The following CD5 variants were observed in gnomAD, a reference collection of about 807,000 sequenced individuals.
CD5 encodes the protein T-cell surface glycoprotein CD5.
In CD5, 36 loss-of-function variants were observed where a neutral mutation model predicts 60.3. That is an observed-to-expected ratio of 0.60 (90% CI 0.46 to 0.79). CD5 has a LOEUF of 0.79. Ranked by LOEUF, CD5 falls within the 30% of genes least tolerant of loss-of-function variation. The pLI is 0.00. For synonymous variants in CD5, 230 were observed against 257.6 expected (o/e 0.89, Z 1.03); for missense variants, 540 against 630.6 (o/e 0.86, Z 1.54).
chr11:61,120,190 G>T (rs1056548727), intron 5 of CD5, among the ~76,000 whole-genome samples: 1 of 152,184 alleles, frequency 6.6e-6, no homozygotes, highest in Non-Finnish European at 1.5e-5. Flanking sequence ...AGACCCCGGT[G>T]GGCCAAACCA....
chr11:61,101,629 T>C (rs548317114), upstream of CD5, among the ~76,000 whole-genome samples: 1 of 145,722 alleles, frequency 6.9e-6, no homozygotes, highest in East Asian at 2.1e-4. Flanking sequence ...CATATCAACA[T>C]GGAGATCACA....
upstream of CD5, among the ~76,000 whole-genome samples, chr11:61,100,462 C>T (rs886734884): frequency 6.9e-6 from 1 of 145,392 alleles, no homozygotes; most frequent in Non-Finnish European, 1.5e-5. Context: ...AGATTACACA[C>T]ACACATCAAC....
upstream of CD5, among the ~76,000 whole-genome samples, chr11:61,101,155 AACATGGAGATCACACACTCATCC>A (rs1349479132): frequency 7.5e-5 from 8 of 105,964 alleles, 2 homozygotes; most frequent in African/African-American, 1.9e-4. Context: ...CACACACATC[AACATGGAGATCACACACTCATCC>A]ACATGGAGAT....
At chr11:61,112,372 G>A (rs577197844) in intron 1 of CD5, among the ~76,000 whole-genome samples, 86 of 152,288 alleles carry the variant, frequency 5.6e-4, no homozygotes, top group African/African-American at 2.0e-3. Flanking sequence ...GGCTGGGCGC[G>A]GTGGCTCATG....
intron 1 of CD5, among the ~76,000 whole-genome samples, chr11:61,113,368 G>A (rs1056977014): frequency 2.6e-5 from 4 of 152,216 alleles, no homozygotes; most frequent in African/African-American, 9.6e-5. Context: ...GCCCCGCAAT[G>A]GGCAACTTTG....
chr11:61,126,181 A>C, intron 10 of CD5, 107 bp from the exon 11 acceptor site: 1 of 194,984 alleles, frequency 5.1e-6, no homozygotes, highest in Non-Finnish European at 1.0e-5. Context: ...CTGGCTCAGG[A>C]CAGCAGCCGT....
the CD5 span, among the ~76,000 whole-genome samples, chr11:61,096,143 G>C: frequency 6.6e-6 from 1 of 152,264 alleles, no homozygotes; most frequent in Non-Finnish European, 1.5e-5. Flanking sequence ...GAGAGGGAAA[G>C]GGGGGTTCTG....
In CD5 at chr11:61,115,048, T is replaced by C. The variant is rs1860918149; in HGVS notation, c.56-8T>C. On this transcript the variant is annotated splice_polypyrimidine_tract_variant and splice_region_variant and intron_variant, in intron 1 of 10. Transcript: ENST00000347785. The stretch of plus-strand genomic sequence containing the variant: ...TCACTTCCTGACCCTCCTCTCTTCT[T>C]TCTGCAGTCGCTTCCTGCCTCGGAC... 6.4e-7 allele frequency: 1 copy of C among 1,555,634 alleles called. No individual in the cohort carries two copies. The highest frequency in any genetic ancestry group is 1.9e-5 in the Admixed American group (1 of 51,824).
intron 1 of CD5, among the ~76,000 whole-genome samples, chr11:61,109,309 G>A (rs1303587122): frequency 6.6e-6 from 1 of 152,176 alleles, no homozygotes; most frequent in Non-Finnish European, 1.5e-5. Context: ...ATGTTTCGCT[G>A]CAGACACTGC....
intron 8 of CD5, 112 bp from the exon 9 acceptor site, chr11:61,124,920 C>T: frequency 7.4e-7 from 1 of 1,347,344 alleles, no homozygotes; most frequent in Non-Finnish European, 1.0e-6. Flanking sequence ...GTGCCTTTGT[C>T]CTCTCCCCGC....
chr11:61,118,470 G>A lies in CD5; in HGVS notation c.390G>A (p.Leu130=). ...ATGACATGTGTCACTCTCTGGGCCT[G>A]ACCTGCTTAGGTGGGTAACTAGCCA... The part of the protein sequence containing the change: ...SRNDMCHSLG[L]TCLEPQKTTP... Residue 130 remains leucine (L), a synonymous_variant, in exon 3 of 11, where the codon CTG becomes CTA. Coordinates refer to ENST00000347785, the MANE Select transcript of CD5 (RefSeq NM_014207.4). This position sits in a 1 kb window ranked among gnomAD's most constrained non-coding sequence, Gnocchi z 4.7. 2 of 1,613,986 alleles carry A rather than the reference G, an allele frequency of 1.2e-6. No homozygotes were observed. Among genetic ancestry groups the A allele is most frequent in the Non-Finnish European group, 1.7e-6 (2 of 1,179,876 alleles).
chr11:61,105,744 A>G (rs1309180008), intron 1 of CD5, among the ~76,000 whole-genome samples: 1 of 152,156 alleles, frequency 6.6e-6, no homozygotes, highest in Non-Finnish European at 1.5e-5. Flanking sequence ...TCTGTGCAAA[A>G]CACTGGGGAT....
chr11:61,125,883 CCA>C, intron 10 of CD5, 42 bp downstream of exon 10: 1 of 1,444,520 alleles, frequency 6.9e-7, no homozygotes, highest in African/African-American at 1.4e-5. Context: ...CCAGGGTCCC[CCA>C]CAGTCCTGGG....
At position 61,118,850 on chromosome 11, in the gene CD5, C is replaced by A; in HGVS notation, c.401-65C>A. 8.5e-7 allele frequency: 1 copy of A among 1,178,664 alleles called. No individual in the cohort carries two copies. The highest frequency in any genetic ancestry group is 1.3e-6 in the Non-Finnish European group (1 of 794,748). The allele number at this position is 1,178,664 out of a possible 1,614,324, so 73.0% of individuals were successfully genotyped here. On this transcript the variant is annotated intron_variant, in intron 3 of 10. Transcript: ENST00000347785. This position sits in a 1 kb window ranked among gnomAD's most constrained non-coding sequence, Gnocchi z 4.7. Reference sequence around the variant, plus strand: ...CCAGGAGCTCCTGGTCCTCTCAAGGCTGCTGGCTGCCCCCGGCCCTCCCCA... The same window carrying A: ...CCAGGAGCTCCTGGTCCTCTCAAGGATGCTGGCTGCCCCCGGCCCTCCCCA...
intron 4 of CD5, 114 bp downstream of exon 4, chr11:61,119,091 C>A: frequency 8.5e-7 from 1 of 1,179,308 alleles, no homozygotes; most frequent in Non-Finnish European, 1.2e-6. Flanking sequence ...TTGGTGTGTT[C>A]TACGCAATAT....
chr11:61,120,916 T>C (rs1244121727), intron 5 of CD5, among the ~76,000 whole-genome samples: 1 of 152,244 alleles, frequency 6.6e-6, no homozygotes, highest in Non-Finnish European at 1.5e-5. Context: ...ATAGATTTAC[T>C]AGGGCTTTGA....
chr11:61,115,956 G>A (rs1381416799), intron 2 of CD5, among the ~76,000 whole-genome samples: 1 of 152,214 alleles, frequency 6.6e-6, no homozygotes, highest in Non-Finnish European at 1.5e-5. Flanking sequence ...AAGCGGCAAC[G>A]AGCCAGCTCG....
chr11:61,096,742 A>G, the CD5 span, among the ~76,000 whole-genome samples: 1 of 152,200 alleles, frequency 6.6e-6, no homozygotes, highest in Non-Finnish European at 1.5e-5. Context: ...TTTCTAACCA[A>G]GCCAGGCCAA....
upstream of CD5, among the ~76,000 whole-genome samples, chr11:61,099,677 G>C (rs1644628034): frequency 1.3e-5 from 2 of 149,398 alleles, no homozygotes; most frequent in Non-Finnish European, 3.0e-5. Flanking sequence ...TCAACATGGA[G>C]ATCAAATTCA....
Sources: allele counts gnomAD v4.1 joint callset (sites outside exome capture counted in the v4.1 genomes callset), GRCh38; gene constraint gnomAD v4.1.1; non-coding constraint Gnocchi (gnomAD v3.1); transcripts MANE v1.5; gene names NCBI Gene and HGNC (gene_info 2026-07-23, HGNC 2026-07-21).